EHD2: variants seen among roughly 807,000 people sequenced by gnomAD.
EHD2 encodes EH domain-containing protein 2.
Under a neutral mutation model 41.0 loss-of-function variants are expected in EHD2, and 27 were observed. The ratio of observed to expected loss-of-function variants is 0.66; its 90% CI spans 0.49 to 0.91. The LOEUF (loss-of-function observed/expected upper bound fraction) is 0.91. EHD2 is among the 40% of genes least tolerant of loss of function. The pLI is 0.00. For missense variants in EHD2, 673 were observed against 773.9 expected (o/e 0.87, Z 1.55); for synonymous variants, 342 against 341.0 (o/e 1.00, Z -0.03).
At chr19:47,737,876 C>CTTTTTTT (rs1226699986) in intron 5 of EHD2, among the ~76,000 whole-genome samples, 3 of 100,054 alleles carry the variant, frequency 3.0e-5, no homozygotes, top group African/African-American at 4.1e-5. Flanking sequence ...GCCTGGCTAG[C>CTTTTTTT]TTTTTTTTTT....
intron 5 of EHD2, 88 bp downstream of exon 5, chr19:47,736,621 AG>A (rs986054888): frequency 1.4e-6 from 2 of 1,419,160 alleles, no homozygotes; most frequent in African/African-American, 2.9e-5. Context: ...CAAAAGCCAG[AG>A]GGATGGATGG....
At chr19:47,721,916 T>C (rs1333070019) in intron 3 of EHD2, among the ~76,000 whole-genome samples, 1 of 150,748 alleles carries the variant, frequency 6.6e-6, no homozygotes, top group Non-Finnish European at 1.5e-5. Context: ...ACCCAGGAGG[T>C]GGAGGTTGCA....
intron 3 of EHD2, among the ~76,000 whole-genome samples, chr19:47,721,238 G>A (rs1973693501): frequency 6.6e-6 from 1 of 152,142 alleles, no homozygotes; most frequent in African/African-American, 2.4e-5. Context: ...TGTAAGATGT[G>A]TGAACACACG....
At position 47,726,189 on chromosome 19, in the gene EHD2, C is replaced by T. The variant is rs1463203926; in HGVS notation, c.880C>T (p.Leu294Phe). 1.3e-6 allele frequency: 2 copies of T among 1,553,334 alleles called. No homozygotes were observed. Among genetic ancestry groups the T allele is most frequent in the East Asian group, 4.6e-5 (2 of 43,674 alleles). Reference sequence around the variant, plus strand: ...GCCCCGGCACGCAGCCTTGCGCAAGCTCAACGACCTGGTGAAGAGGGCCCG... The same window carrying T: ...GCCCCGGCACGCAGCCTTGCGCAAGTTCAACGACCTGGTGAAGAGGGCCCG... ...GLPRHAALRK[L>F]NDLVKRARLV... Residue 294 changes from leucine to phenylalanine, a missense_variant, in exon 4 of 6, where the codon CTC (leucine) becomes TTC (phenylalanine). By Grantham distance (22) the Leu-to-Phe change is conservative. Transcript: ENST00000263277.
Position 47,736,461 on chromosome 19 carries a change from C to G in EHD2, c.1008C>G (p.Pro336=). ...AGAAGCAGCTGATCCTCAAACTGCC[C>G]GTCATCTTTGCGAAGATTCAGCTGG... is the stretch of plus-strand genomic sequence containing the variant. ...NKKKQLILKL[P]VIFAKIQLEH... The change falls in exon 5 of 6, where the codon CCC becomes CCG. Residue 336 remains proline (P), a synonymous_variant. Coordinates refer to ENST00000263277, the MANE Select transcript of EHD2 (RefSeq NM_014601.4). 4 of 1,612,810 alleles carry G rather than the reference C, an allele frequency of 2.5e-6. No homozygotes were observed. The South Asian group carries it at 4.4e-5, about 18-fold the overall frequency.
At chr19:47,726,878 G>A (rs1973759156) in intron 4 of EHD2, among the ~76,000 whole-genome samples, 1 of 152,080 alleles carries the variant, frequency 6.6e-6, no homozygotes, top group South Asian at 2.1e-4. Context: ...AGGTCTTACT[G>A]TGTTGCCCAG....
At position 47,716,598 on chromosome 19, in the gene EHD2, C is replaced by T. The variant is rs563303087; in HGVS notation, c.-15C>T. The T allele has an allele frequency of 1.3e-5, 20 of 1,496,334 alleles. No homozygotes were observed. In the South Asian group the frequency reaches 1.4e-4, roughly 11 times the overall value. The allele number at this position is 1,496,334 out of a possible 1,614,324, so 92.7% of individuals were successfully genotyped here. A position where few individuals can be genotyped will look rare whatever the true frequency, so the allele number is the denominator to read the frequency against. ...CACGTCTCTCCGTGAACCCCGTGAG[C>T]GGTGTGCAGCCACCATGTTCAGCTG... On this transcript the variant is annotated 5_prime_UTR_variant, in exon 2 of 6. Coordinates refer to ENST00000263277, the MANE Select transcript of EHD2 (RefSeq NM_014601.4).
In EHD2 at chr19:47,741,679, A is replaced by G; in HGVS notation, c.*247A>G. 1.6e-6 allele frequency: 1 copy of G among 628,086 alleles called. No homozygotes were observed. Among genetic ancestry groups the G allele is most frequent in the Non-Finnish European group, 2.8e-6 (1 of 351,934 alleles). 38.9% of individuals were successfully genotyped at this position (628,086 alleles called of 1,614,324 possible). ...GTTCACTTAGGCACATCACACACAC[A>G]CTGGCACACGCAGGCATCCATCCAT... On this transcript the variant is annotated 3_prime_UTR_variant, in exon 6 of 6. Transcript: ENST00000263277. The surrounding 1 kb of genome is among the most constrained non-coding windows in gnomAD (Gnocchi z 4.5).
intron 4 of EHD2, among the ~76,000 whole-genome samples, chr19:47,730,080 C>T (rs1009365083): frequency 6.6e-6 from 1 of 151,986 alleles, no homozygotes; most frequent in Non-Finnish European, 1.5e-5. Context: ...GGGGTGGGTC[C>T]GGGCCAGACA....
At chr19:47,729,782 G>A (rs1973789610) in intron 4 of EHD2, 1 of 149,222 alleles carries the variant, frequency 6.7e-6, no homozygotes, top group South Asian at 2.1e-4. Context: ...AATTCACCTT[G>A]CGCTCCTCTG....
chr19:47,721,423 T>G (rs1555793343), intron 3 of EHD2, among the ~76,000 whole-genome samples: 1 of 151,776 alleles, frequency 6.6e-6, no homozygotes, highest in Non-Finnish European at 1.5e-5. Flanking sequence ...CAAGCAATTC[T>G]CTGCCTCAGC....
At position 47,718,722 on chromosome 19, in the gene EHD2, GTCT is replaced by G. The variant is rs1973660387; in HGVS notation, c.502+117_502+119del. The G allele has an allele frequency of 9.9e-6, 9 of 906,158 alleles. No homozygotes were observed. In the African/African-American group the frequency reaches 2.0e-4, roughly 21 times the overall value. The allele number at this position is 906,158 out of a possible 1,614,324, so 56.1% of individuals were successfully genotyped here. A position where few individuals can be genotyped will look rare whatever the true frequency, so the allele number is the denominator to read the frequency against. On this transcript the variant is annotated intron_variant, in intron 3 of 5. Transcript: ENST00000263277. The stretch of plus-strand genomic sequence containing the variant: ...TGGGTCTGAGGGAGGAGGGGCTGGG[GTCT>G]GGACTCCTGGGTCTGAGGGAGGAGG...
intron 5 of EHD2, 148 bp downstream of exon 5, chr19:47,736,681 T>G: frequency 1.1e-6 from 1 of 872,772 alleles, no homozygotes; most frequent in South Asian, 2.2e-5. Context: ...GAGCATGGTT[T>G]TATGAGTCAG....
intron 5 of EHD2, among the ~76,000 whole-genome samples, chr19:47,738,414 T>C (rs1392819142): frequency 6.6e-6 from 1 of 151,890 alleles, no homozygotes; most frequent in Non-Finnish European, 1.5e-5. Context: ...GCAATTATCC[T>C]GCCTCAGCCT....
Position 47,730,531 on chromosome 19 carries a change from C to A in EHD2, c.915+4307C>A, listed in dbSNP as rs528637258. 3.3e-5 allele frequency among the ~76,000 whole-genome samples: 5 copies of A among 152,294 alleles called. No homozygotes were observed. In the South Asian group the frequency reaches 1.0e-3, roughly 32 times the overall value. Reference sequence around the variant, plus strand: ...GCTCCTCACATATGAGTCCGCCACACTTGGTCGTCACCAACAATAGCCATA... The same window carrying A: ...GCTCCTCACATATGAGTCCGCCACAATTGGTCGTCACCAACAATAGCCATA... On this transcript the variant is annotated intron_variant, in intron 4 of 5. Transcript: ENST00000263277.
intron 5 of EHD2, among the ~76,000 whole-genome samples, chr19:47,738,960 G>GTCCCAGGA (rs1966953692): frequency 6.6e-6 from 1 of 152,136 alleles, no homozygotes; most frequent in Admixed American, 6.5e-5. Context: ...GGAGGGGGTG[G>GTCCCAGGA]TCCCAGGAAC....
At chr19:47,729,236 G>A (rs1973783669) in intron 4 of EHD2, among the ~76,000 whole-genome samples, 1 of 152,088 alleles carries the variant, frequency 6.6e-6, no homozygotes, top group African/African-American at 2.4e-5. Flanking sequence ...CATCTGAGGG[G>A]AAATGTCAGT....
chr19:47,731,279 A>AAAAAAAAT, intron 4 of EHD2: 30 of 60,924 alleles, frequency 4.9e-4, no homozygotes, highest in African/African-American at 1.5e-3. Flanking sequence ...AAAAAAAAAA[A>AAAAAAAAT]ATATATATAT....
At chr19:47,722,402 C>T (rs537012858) in intron 3 of EHD2, among the ~76,000 whole-genome samples, 21 of 152,250 alleles carry the variant, frequency 1.4e-4, no homozygotes, top group Admixed American at 2.6e-4. Flanking sequence ...CCCAAAACAA[C>T]GGCCCCCAAC....
Sources: gnomAD v4.1 joint callset for allele counts (sites outside exome capture counted in the v4.1 genomes callset) on GRCh38, gnomAD v4.1.1 for gene constraint, Gnocchi (gnomAD v3.1) non-coding constraint, MANE v1.5 for transcripts, NCBI Gene and HGNC (gene_info 2026-07-23, HGNC 2026-07-21) for gene names.